ZFYVE28: variants seen among roughly 807,000 people sequenced by gnomAD.
ZFYVE28 encodes the protein lateral signaling target protein 2 homolog.
In ZFYVE28, 40 loss-of-function variants were observed where a neutral mutation model predicts 82.1. The ratio of observed to expected loss-of-function variants is 0.49; its 90% CI spans 0.38 to 0.63. The LOEUF (loss-of-function observed/expected upper bound fraction) is 0.63, where lower values mean the gene tolerates loss of function less well. Among genes scored for constraint, ZFYVE28 ranks in the 30% least tolerant of loss-of-function variants. The pLI, the probability that ZFYVE28 is intolerant of heterozygous loss-of-function variation, is 0.00. For missense variants in ZFYVE28, 1,321 were observed against 1,242.1 expected, an observed-to-expected ratio of 1.06 and a Z score of -0.96; for synonymous variants, 612 against 546.1, an observed-to-expected ratio of 1.12 and a Z score of -1.68.
In ZFYVE28 at chr4:2,418,262, C is replaced by A; in HGVS notation, c.39+23G>T. Reference sequence around the variant, plus strand: ...GGAGAGGCCGCGACGCGGGGGGCGTCCGGCCCGAGCGGGGCCGCTCACCTT... The same window carrying A: ...GGAGAGGCCGCGACGCGGGGGGCGTACGGCCCGAGCGGGGCCGCTCACCTT... On this transcript the variant is annotated intron_variant, in intron 1 of 12. Transcript: ENST00000290974. This position sits in a 1 kb window ranked among gnomAD's most constrained non-coding sequence, Gnocchi z 4.6. The A allele has an allele frequency of 1.3e-6, 2 of 1,535,446 alleles. No individual in the cohort carries two copies. The highest frequency in any genetic ancestry group is 1.8e-6 in the Non-Finnish European group (2 of 1,140,380).
intron 4 of ZFYVE28, among the ~76,000 whole-genome samples, chr4:2,338,874 G>A (rs1233327639): frequency 6.6e-6 from 1 of 152,324 alleles, no homozygotes; most frequent in African/African-American, 2.4e-5. Context: ...GCCCAGGCTG[G>A]AATGCAGTGG....
In ZFYVE28 at chr4:2,341,738, G is replaced by T; in HGVS notation, c.181-123C>A. 7.2e-7 allele frequency: 1 copy of T among 1,385,570 alleles called. No homozygotes were observed. Among genetic ancestry groups the T allele is most frequent in the Non-Finnish European group, 9.8e-7 (1 of 1,019,082 alleles). 85.8% of individuals were successfully genotyped at this position (1,385,570 alleles called of 1,614,324 possible). On this transcript the variant is annotated intron_variant, in intron 2 of 12. Coordinates refer to ENST00000290974, the MANE Select transcript of ZFYVE28 (RefSeq NM_020972.3). This position sits in a 1 kb window ranked among gnomAD's most constrained non-coding sequence, Gnocchi z 4.5. ...TTAGGATTATTAAAGTGATAGAGGAGGCTAGGCACGGTGGCTCATGCCTAT... is the reference window on the plus strand; with the variant it reads ...TTAGGATTATTAAAGTGATAGAGGATGCTAGGCACGGTGGCTCATGCCTAT...
chr4:2,414,928 G>A (rs1475428365), intron 1 of ZFYVE28, among the ~76,000 whole-genome samples: 2 of 152,180 alleles, frequency 1.3e-5, no homozygotes, highest in African/African-American at 4.8e-5. Context: ...TTAAAGAAAG[G>A]CAAGAAAGTA....
chr4:2,376,458 G>T (rs1578310250), intron 1 of ZFYVE28, among the ~76,000 whole-genome samples: 1 of 151,186 alleles, frequency 6.6e-6, no homozygotes, highest in African/African-American at 2.4e-5. Context: ...AAATACCTGA[G>T]ACTGGGTAAT....
chr4:2,385,074 C>G (rs564624713), intron 1 of ZFYVE28, among the ~76,000 whole-genome samples: 2 of 152,198 alleles, frequency 1.3e-5, no homozygotes, highest in Non-Finnish European at 2.9e-5. Context: ...GCTGGCCTGA[C>G]CTGCCCAGGA....
rs1330007701 is a variant in ZFYVE28 at position 2,416,778 on chromosome 4, AGTGACG to A, written c.39+1501_39+1506del. Reference sequence around the variant, plus strand: ...AGGGACAGGGAGGTTGGGAGCAGGGAGTGACGCCACAGGAACCCTGAATCCCCCCGA... The same window carrying A: ...AGGGACAGGGAGGTTGGGAGCAGGGACCACAGGAACCCTGAATCCCCCCGA... On this transcript the variant is annotated intron_variant, in intron 1 of 12. Transcript: ENST00000290974. The surrounding 1 kb of genome is among the most constrained non-coding windows in gnomAD (Gnocchi z 4.6). Among the ~76,000 whole-genome samples, 2 of 149,910 alleles carry A rather than the reference AGTGACG, an allele frequency of 1.3e-5. No individual in the cohort carries two copies. The highest frequency in any genetic ancestry group is 5.0e-5 in the African/African-American group (2 of 39,980).
chr4:2,298,967 C>T (rs1715076493), intron 8 of ZFYVE28, among the ~76,000 whole-genome samples: 2 of 152,218 alleles, frequency 1.3e-5, no homozygotes, highest in African/African-American at 4.8e-5. Context: ...CACAGAGGAG[C>T]AGCGCGCCTC....
chr4:2,411,132 G>A (rs1732477284), intron 1 of ZFYVE28, among the ~76,000 whole-genome samples: 1 of 152,148 alleles, frequency 6.6e-6, no homozygotes, highest in Non-Finnish European at 1.5e-5. Context: ...GGAGAGCCAA[G>A]CGCAGCACAG....
intron 1 of ZFYVE28, among the ~76,000 whole-genome samples, chr4:2,383,523 A>G (rs1457881626): frequency 6.6e-6 from 1 of 152,202 alleles, no homozygotes; most frequent in Admixed American, 6.5e-5. Flanking sequence ...GTGAAAACAG[A>G]CTAATACTCC....
chr4:2,371,862 C>T (rs761748805), intron 1 of ZFYVE28, among the ~76,000 whole-genome samples: 5 of 146,994 alleles, frequency 3.4e-5, no homozygotes, highest in African/African-American at 9.8e-5. Flanking sequence ...CCCCACCCAG[C>T]GTGAGAAGCC....
intron 10 of ZFYVE28, among the ~76,000 whole-genome samples, chr4:2,272,422 C>T (rs1033418589): frequency 2.6e-5 from 4 of 152,224 alleles, no homozygotes; most frequent in African/African-American, 9.6e-5. Flanking sequence ...CTGGATCCTA[C>T]AGGGACCGAG....
At chr4:2,302,374 A>G (rs751086713) in intron 8 of ZFYVE28, among the ~76,000 whole-genome samples, 2 of 152,242 alleles carry the variant, frequency 1.3e-5, no homozygotes, top group African/African-American at 2.4e-5. Context: ...CATAATGCTG[A>G]ATGAGACCAA....
In ZFYVE28 at chr4:2,409,418, C is replaced by A. The variant is rs1365684606; in HGVS notation, c.39+8867G>T. Among the ~76,000 whole-genome samples the A allele has an allele frequency of 6.6e-6, 1 of 152,192 alleles. No individual in the cohort carries two copies. Among genetic ancestry groups the A allele is most frequent in the Non-Finnish European group, 1.5e-5 (1 of 68,036 alleles). ...CCCCATCATGCCCCCACCTTCCTTGCCTGTGACCCATCCCCAGGCGACCTC... is the reference window on the plus strand; with the variant it reads ...CCCCATCATGCCCCCACCTTCCTTGACTGTGACCCATCCCCAGGCGACCTC... On this transcript the variant is annotated intron_variant, in intron 1 of 12. Transcript: ENST00000290974. This position sits in a 1 kb window ranked among gnomAD's most constrained non-coding sequence, Gnocchi z 4.4.
chr4:2,284,037 G>C (rs909982920), intron 8 of ZFYVE28, among the ~76,000 whole-genome samples: 5 of 152,206 alleles, frequency 3.3e-5, no homozygotes, highest in Non-Finnish European at 7.3e-5. Flanking sequence ...TTCCCTGTAG[G>C]CTACACTTGA....
At chr4:2,302,450 G>A (rs1196084831) in intron 8 of ZFYVE28, among the ~76,000 whole-genome samples, 2 of 152,218 alleles carry the variant, frequency 1.3e-5, no homozygotes, top group African/African-American at 4.8e-5. Context: ...TGACGAGTGG[G>A]GCATGCCCTA....
chr4:2,337,316 G>A (rs964600272), intron 5 of ZFYVE28, 91 bp downstream of exon 5: 3 of 1,145,696 alleles, frequency 2.6e-6, no homozygotes, highest in Non-Finnish European at 3.7e-6. Flanking sequence ...GACACAGCAG[G>A]TTCCCCCAGA....
chr4:2,279,629 A>AC (rs1160090036), intron 8 of ZFYVE28, among the ~76,000 whole-genome samples: 2 of 151,856 alleles, frequency 1.3e-5, no homozygotes, highest in Admixed American at 1.3e-4. Context: ...AATACAAAAA[A>AC]AATTAGCCAG....
intron 1 of ZFYVE28, among the ~76,000 whole-genome samples, chr4:2,404,855 C>CTCTT (rs1356811377): frequency 1.5e-5 from 1 of 64,792 alleles, no homozygotes; most frequent in Non-Finnish European, 3.0e-5. Context: ...CTCAGTCTCG[C>CTCTT]TCTTTTTTTT....
At chr4:2,287,838 A>T (rs1216073801) in intron 8 of ZFYVE28, 1 of 152,230 alleles carries the variant, frequency 6.6e-6, no homozygotes, top group Non-Finnish European at 1.5e-5. Flanking sequence ...AGGGGGAGTC[A>T]CCGTAGGACC....
Sources: allele counts gnomAD v4.1 joint callset (sites outside exome capture counted in the v4.1 genomes callset), GRCh38; gene constraint gnomAD v4.1.1; non-coding constraint Gnocchi (gnomAD v3.1); transcripts MANE v1.5; gene names NCBI Gene and HGNC (gene_info 2026-07-23, HGNC 2026-07-21).